LOC128462377: variants seen among roughly 807,000 people sequenced by gnomAD.
At chr16:89,386,930 G>A in the LOC128462377 span, among the ~76,000 whole-genome samples, 2 of 152,052 alleles carry the variant, frequency 1.3e-5, no homozygotes, top group Admixed American at 6.5e-5. Context: ...CTCGACCACC[G>A]AGTCAAGGGC....
the LOC128462377 span, among the ~76,000 whole-genome samples, chr16:89,389,045 T>C: frequency 6.6e-6 from 1 of 152,174 alleles, no homozygotes; most frequent in Non-Finnish European, 1.5e-5. Flanking sequence ...GTGGAACAAT[T>C]TGAGCAAAAA....
At chr16:89,367,060 C>T in the LOC128462377 span, among the ~76,000 whole-genome samples, 317 of 152,296 alleles carry the variant, frequency 2.1e-3, 1 homozygote, top group African/African-American at 7.3e-3. Context: ...TCTGCTAGGA[C>T]GACCTCTCCT....
chr16:89,327,170 C>A, the LOC128462377 span, among the ~76,000 whole-genome samples: 1 of 152,170 alleles, frequency 6.6e-6, no homozygotes, highest in African/African-American at 2.4e-5. Flanking sequence ...GCTGGCTCAA[C>A]CATCAATCAG....
chr16:89,404,185 G>A, the LOC128462377 span, among the ~76,000 whole-genome samples: 1 of 152,186 alleles, frequency 6.6e-6, no homozygotes. Flanking sequence ...CGACCCACCA[G>A]CCTCAGGCAG....
the LOC128462377 span, among the ~76,000 whole-genome samples, chr16:89,384,206 C>G: frequency 6.6e-6 from 1 of 152,100 alleles, no homozygotes; most frequent in Non-Finnish European, 1.5e-5. Flanking sequence ...GGTGACAGAG[C>G]GAGACTCCAT....
At chr16:89,380,923 G>C in the LOC128462377 span, among the ~76,000 whole-genome samples, 1 of 152,228 alleles carries the variant, frequency 6.6e-6, no homozygotes, top group South Asian at 2.1e-4. Context: ...CAGGCAGACG[G>C]AGCACGCATC....
chr16:89,338,688 G>C, the LOC128462377 span, among the ~76,000 whole-genome samples: 1 of 119,458 alleles, frequency 8.4e-6, no homozygotes, highest in Non-Finnish European at 1.6e-5. Flanking sequence ...TCACGCCACT[G>C]CCCTCCAGCC....
the LOC128462377 span, chr16:89,392,658 G>C: frequency 6.6e-6 from 1 of 150,616 alleles, no homozygotes; most frequent in Non-Finnish European, 1.5e-5. Flanking sequence ...CTCAGCATCT[G>C]TAATGCACTT....
At chr16:89,402,162 G>GT in the LOC128462377 span, among the ~76,000 whole-genome samples, 1 of 152,188 alleles carries the variant, frequency 6.6e-6, no homozygotes, top group Non-Finnish European at 1.5e-5. Context: ...AACTTTTAGA[G>GT]TAAGGAGGAC....
the LOC128462377 span, among the ~76,000 whole-genome samples, chr16:89,338,723 T>A: frequency 1.7e-5 from 1 of 57,900 alleles, no homozygotes; most frequent in Non-Finnish European, 2.9e-5. Context: ...CAACACTCAG[T>A]CTCAAAAAAA....
At chr16:89,379,495 A>G in the LOC128462377 span, among the ~76,000 whole-genome samples, 2 of 152,138 alleles carry the variant, frequency 1.3e-5, no homozygotes, top group Non-Finnish European at 2.9e-5. Flanking sequence ...CAACTTGAAC[A>G]TTTTTTTAAA....
At chr16:89,352,498 C>T in the LOC128462377 span, among the ~76,000 whole-genome samples, 1 of 152,112 alleles carries the variant, frequency 6.6e-6, no homozygotes, top group Non-Finnish European at 1.5e-5. Flanking sequence ...GGCTCACACC[C>T]TTCAGAGCTT....
the LOC128462377 span, among the ~76,000 whole-genome samples, chr16:89,332,383 GC>G: frequency 6.6e-6 from 1 of 152,126 alleles, no homozygotes; most frequent in Admixed American, 6.5e-5. Flanking sequence ...GAAACACTGA[GC>G]CCCCCAAGTC....
the LOC128462377 span, among the ~76,000 whole-genome samples, chr16:89,355,001 T>G: frequency 1.3e-5 from 2 of 152,110 alleles, no homozygotes; most frequent in African/African-American, 4.8e-5. Context: ...AATGCACAGA[T>G]TCACATGCTG....
At chr16:89,361,944 GC>G in the LOC128462377 span, among the ~76,000 whole-genome samples, 2 of 152,238 alleles carry the variant, frequency 1.3e-5, no homozygotes, top group Non-Finnish European at 2.9e-5. Context: ...AGCTGGCACA[GC>G]CTTGCAACAC....
the LOC128462377 span, among the ~76,000 whole-genome samples, chr16:89,325,449 C>CCT: frequency 0.51 from 71,195 of 138,430 alleles, 18,253 homozygotes; most frequent in Middle Eastern, 0.63. Context: ...TCTCCCCTCT[C>CCT]CTCTCTCTCT....
At chr16:89,372,270 T>G in the LOC128462377 span, among the ~76,000 whole-genome samples, 1 of 152,146 alleles carries the variant, frequency 6.6e-6, no homozygotes, top group Admixed American at 6.5e-5. Flanking sequence ...AGCCTCTCAC[T>G]GAGATTAAGA....
the LOC128462377 span, chr16:89,395,641 G>C: frequency 2.0e-5 from 3 of 152,256 alleles, no homozygotes; most frequent in Admixed American, 6.5e-5. Flanking sequence ...AAGTGATACA[G>C]ACTCTTCTAA....
the LOC128462377 span, among the ~76,000 whole-genome samples, chr16:89,391,410 G>A: frequency 6.6e-6 from 1 of 152,084 alleles, no homozygotes. Flanking sequence ...CAGGTAGACA[G>A]TGTCCAGGCT....
Sources: allele counts gnomAD v4.1 joint callset (sites outside exome capture counted in the v4.1 genomes callset), GRCh38; gene constraint gnomAD v4.1.1; transcripts MANE v1.5.